The following TTC28 variants were observed in gnomAD, a reference collection of about 807,000 sequenced individuals.
TTC28 encodes tetratricopeptide repeat domain 28.
A neutral mutation model predicts 198.0 loss-of-function variants in TTC28; 61 were observed. That is an observed-to-expected ratio of 0.31 (90% CI 0.25 to 0.38). The LOEUF is 0.38. TTC28 is among the 10% of genes least tolerant of loss of function. TTC28 has a pLI of 1.00. For synonymous variants in TTC28, 1,171 were observed against 1,297.8 expected (o/e 0.90, Z 2.10); for missense variants, 2,678 against 3,164.0 (o/e 0.85, Z 3.69).
intron 5 of TTC28, among the ~76,000 whole-genome samples, chr22:28,193,883 C>G (rs779562702): frequency 6.6e-6 from 1 of 152,108 alleles, no homozygotes; most frequent in Non-Finnish European, 1.5e-5. Flanking sequence ...ATCAACGAGA[C>G]AGAAAGTTAA....
chr22:28,003,934 TG>T (rs1258343866), intron 14 of TTC28, among the ~76,000 whole-genome samples: 1 of 152,234 alleles, frequency 6.6e-6, no homozygotes, highest in African/African-American at 2.4e-5. Flanking sequence ...GTCCGTCATG[TG>T]CCTACTGGGG....
intron 2 of TTC28, among the ~76,000 whole-genome samples, chr22:28,458,284 T>C (rs1240280238): frequency 6.6e-6 from 1 of 152,068 alleles, no homozygotes; most frequent in East Asian, 1.9e-4. Context: ...AAAAATAAAA[T>C]AAAACAGATA....
At chr22:28,604,005 T>C (rs1277581596) in intron 2 of TTC28, among the ~76,000 whole-genome samples, 2 of 152,010 alleles carry the variant, frequency 1.3e-5, no homozygotes, top group African/African-American at 4.8e-5. Context: ...TGGCCGGGTG[T>C]GGTGGCACAC....
intron 2 of TTC28, among the ~76,000 whole-genome samples, chr22:28,538,559 T>C (rs1242876131): frequency 1.4e-5 from 2 of 140,540 alleles, no homozygotes; most frequent in African/African-American, 5.5e-5. Flanking sequence ...CCTTTCTCTT[T>C]TTTTTTTTTT....
At chr22:28,205,229 G>A (rs986458264) in intron 5 of TTC28, among the ~76,000 whole-genome samples, 1 of 151,892 alleles carries the variant, frequency 6.6e-6, no homozygotes, top group East Asian at 1.9e-4. Context: ...CACAGAGACC[G>A]GGGGGAGAGA....
intron 6 of TTC28, among the ~76,000 whole-genome samples, chr22:28,158,339 G>A (rs1306149808): frequency 1.3e-5 from 2 of 151,856 alleles, no homozygotes; most frequent in African/African-American, 4.8e-5. Flanking sequence ...ACTACCCAAA[G>A]CAATCTATAG....
intron 2 of TTC28, among the ~76,000 whole-genome samples, chr22:28,473,808 T>C (rs1022133376): frequency 3.9e-5 from 6 of 152,170 alleles, no homozygotes; most frequent in Non-Finnish European, 5.9e-5. Flanking sequence ...GATTGTTGTC[T>C]TTATAAGAAG....
chr22:28,105,005 C>T (rs750442939), intron 8 of TTC28, among the ~76,000 whole-genome samples: 22 of 152,078 alleles, frequency 1.4e-4, no homozygotes, highest in Non-Finnish European at 2.1e-4. Flanking sequence ...GGGCAGCTGG[C>T]GAGCAGTAGA....
chr22:28,583,990 TTTTTGTTTTG>T (rs1195361951), intron 2 of TTC28, among the ~76,000 whole-genome samples: 8 of 151,274 alleles, frequency 5.3e-5, no homozygotes, highest in Admixed American at 4.6e-4. Flanking sequence ...CTCCGTTTTT[TTTTTGTTTTG>T]TTTTTGTTTT....
rs888452587 is a variant in TTC28, at chr22:28,321,329, G to A, written c.382-14686C>T. ...CATTAAAAATTGTTCTACAATCAAC[G>A]GTTGCTAATGGAATAGATATTAAAT... On this transcript the variant is annotated intron_variant, in intron 2 of 22. Coordinates refer to ENST00000397906, the MANE Select transcript of TTC28 (RefSeq NM_001145418.2). 3.3e-5 allele frequency among the ~76,000 whole-genome samples: 5 copies of A among 151,990 alleles called. No individual in the cohort carries two copies. The East Asian group carries it at 5.8e-4, about 18-fold the overall frequency.
At chr22:28,104,219 T>G (rs1204547180) in intron 8 of TTC28, among the ~76,000 whole-genome samples, 1 of 152,170 alleles carries the variant, frequency 6.6e-6, no homozygotes, top group Non-Finnish European at 1.5e-5. Context: ...TAGAAACAAC[T>G]TCAGAGAGGA....
intron 2 of TTC28, among the ~76,000 whole-genome samples, chr22:28,393,549 C>G (rs2046768667): frequency 6.6e-6 from 1 of 151,936 alleles, no homozygotes; most frequent in Admixed American, 6.6e-5. Context: ...AAAGAACTAG[C>G]CAAGTATAGT....
rs572597252 is a variant in TTC28, at chr22:28,029,366, C to G, written c.4073+860G>C. ...CAGACAGGGCGCACAATGCCCTGCACAGCAGGGCTGCCAAGCAGAGGCTGC... is the reference window on the plus strand; with the variant it reads ...CAGACAGGGCGCACAATGCCCTGCAGAGCAGGGCTGCCAAGCAGAGGCTGC... On this transcript the variant is annotated intron_variant, in intron 13 of 22. Transcript: ENST00000397906. Among the ~76,000 whole-genome samples, 12 of 152,312 alleles carry G rather than the reference C, an allele frequency of 7.9e-5. No individual in the cohort carries two copies. The East Asian group carries it at 2.3e-3, about 29-fold the overall frequency.
Position 28,260,245 on chromosome 22 carries a change from T to C in TTC28, c.933+35953A>G, listed in dbSNP as rs964164514. Among the ~76,000 whole-genome samples, 12 of 152,274 alleles carry C rather than the reference T, an allele frequency of 7.9e-5. No homozygotes were observed. The South Asian group carries it at 1.0e-3, about 13-fold the overall frequency. ...GGAAGAAGTAGAAAACCAGTAGCAG[T>C]TGTAATTTTGTACTATAACATTTTG... On this transcript the variant is annotated intron_variant, in intron 5 of 22. Transcript: ENST00000397906.
chr22:28,404,725 G>T (rs1485135518), intron 2 of TTC28, among the ~76,000 whole-genome samples: 5 of 152,146 alleles, frequency 3.3e-5, no homozygotes, highest in Non-Finnish European at 7.3e-5. Flanking sequence ...TCACCATTAG[G>T]TGTCAAAGTC....
intron 2 of TTC28, among the ~76,000 whole-genome samples, chr22:28,359,807 C>T (rs889629822): frequency 2.0e-5 from 3 of 152,122 alleles, no homozygotes; most frequent in African/African-American, 7.2e-5. Flanking sequence ...TTATCAATGT[C>T]AGGATTAGAT....
In TTC28 at chr22:28,426,296, G is replaced by T. The variant is rs2047350323; in HGVS notation, c.382-119653C>A. ...TTCAATGAATGGCCCAACCTAGTGGGGGTGGAAAACAACAACAAAACCTTC... is the reference window on the plus strand; with the variant it reads ...TTCAATGAATGGCCCAACCTAGTGGTGGTGGAAAACAACAACAAAACCTTC... On this transcript the variant is annotated intron_variant, in intron 2 of 22. Coordinates refer to ENST00000397906, the MANE Select transcript of TTC28 (RefSeq NM_001145418.2). Among the ~76,000 whole-genome samples the T allele has an allele frequency of 2.6e-5, 4 of 151,982 alleles. No individual in the cohort carries two copies. In the South Asian group the frequency reaches 8.3e-4, roughly 32 times the overall value.
chr22:28,165,552 C>T (rs1350689319), intron 5 of TTC28, among the ~76,000 whole-genome samples: 1 of 152,000 alleles, frequency 6.6e-6, no homozygotes. Flanking sequence ...GAATTTTCAA[C>T]CCAGAATTTC....
In TTC28 at chr22:28,297,743, C is replaced by T. The variant is rs945689715; in HGVS notation, c.639G>A (p.Gly213=). ...CGGCTTCTAAGACAACCACAGAGGCCCCATGATGGCCAGCTGTCAGGAGTT... is the reference window on the plus strand; with the variant it reads ...CGGCTTCTAAGACAACCACAGAGGCTCCATGATGGCCAGCTGTCAGGAGTT... ...GQELLTAGHH[G]ASVVVLEAAL... Residue 213 remains glycine (G), a synonymous_variant, in exon 4 of 23, where the codon GGG becomes GGA. Transcript: ENST00000397906. 47 of 1,551,546 alleles carry T rather than the reference C, an allele frequency of 3.0e-5. No individual in the cohort carries two copies. In the Admixed American group the frequency reaches 9.0e-4, roughly 30 times the overall value.
Sources: gnomAD v4.1 joint callset for allele counts (sites outside exome capture counted in the v4.1 genomes callset) on GRCh38, gnomAD v4.1.1 for gene constraint, MANE v1.5 for transcripts, NCBI Gene and HGNC (gene_info 2026-07-23, HGNC 2026-07-21) for gene names.